KYNU: variants seen among roughly 807,000 people sequenced by gnomAD.
KYNU encodes kynureninase, also known as L-kynurenine hydrolase.
Under a neutral mutation model 59.2 loss-of-function variants are expected in KYNU, and 54 were observed. The observed-to-expected ratio is 0.91, with a 90% confidence interval of 0.73 to 1.14. The LOEUF is 1.14. Among genes scored for constraint, KYNU ranks in the 50% most tolerant of loss-of-function variants. The probability of loss-of-function intolerance (pLI) is 0.00; values close to 1 mark genes in which losing one functional copy is unlikely to be tolerated. For missense variants in KYNU, 567 were observed against 554.4 expected (o/e 1.02, Z -0.23); for synonymous variants, 177 against 192.0 (o/e 0.92, Z 0.65).
intron 10 of KYNU, among the ~76,000 whole-genome samples, chr2:143,025,043 T>C (rs1262695440): frequency 6.6e-6 from 1 of 152,090 alleles, no homozygotes; most frequent in Non-Finnish European, 1.5e-5. Context: ...TTCTTTTATG[T>C]GTTTTGTTTT....
intron 2 of KYNU, among the ~76,000 whole-genome samples, chr2:142,915,064 T>G (rs1682628024): frequency 6.6e-6 from 1 of 152,220 alleles, no homozygotes; most frequent in Non-Finnish European, 1.5e-5. Flanking sequence ...TAATAACTCC[T>G]ATAACAAAAA....
At chr2:142,907,846 C>A (rs1488544421) in intron 2 of KYNU, among the ~76,000 whole-genome samples, 1 of 152,156 alleles carries the variant, frequency 6.6e-6, no homozygotes, top group Non-Finnish European at 1.5e-5. Context: ...CCTTCCCCAG[C>A]TAGGCTTAGG....
intron 8 of KYNU, chr2:142,964,699 A>C (rs931854560): frequency 3.3e-5 from 5 of 152,240 alleles, no homozygotes; most frequent in Non-Finnish European, 7.3e-5. Context: ...ACAAGATTTC[A>C]AGTGGTCATC....
At chr2:142,966,710 A>G (rs1684551281) in intron 8 of KYNU, among the ~76,000 whole-genome samples, 1 of 152,160 alleles carries the variant, frequency 6.6e-6, no homozygotes, top group African/African-American at 2.4e-5. Flanking sequence ...TATTTTGTCC[A>G]TTTAACAAAT....
chr2:142,903,791 G>C (rs1253275128), intron 2 of KYNU, among the ~76,000 whole-genome samples: 1 of 152,188 alleles, frequency 6.6e-6, no homozygotes, highest in Non-Finnish European at 1.5e-5. Context: ...CTTGACATAA[G>C]GGGCATGGAC....
At chr2:143,029,501 G>T (rs892338873) in intron 10 of KYNU, 126 bp from the exon 11 acceptor site, 41 of 692,720 alleles carry the variant, frequency 5.9e-5, no homozygotes, top group Non-Finnish European at 9.8e-5. Context: ...CACAAGAATC[G>T]CTTGAACCCA....
At chr2:142,900,282 CA>C (rs1239705035) in intron 2 of KYNU, among the ~76,000 whole-genome samples, 1 of 152,106 alleles carries the variant, frequency 6.6e-6, no homozygotes, top group Non-Finnish European at 1.5e-5. Context: ...GGTGGGTCTG[CA>C]ACGGTGGCAA....
At chr2:142,905,943 C>G (rs1176642875) in intron 2 of KYNU, among the ~76,000 whole-genome samples, 1 of 152,168 alleles carries the variant, frequency 6.6e-6, no homozygotes, top group Non-Finnish European at 1.5e-5. Context: ...AGGAATAGGG[C>G]ACACTGTTTT....
chr2:143,026,225 T>A (rs1406097980), intron 10 of KYNU, among the ~76,000 whole-genome samples: 1 of 152,228 alleles, frequency 6.6e-6, no homozygotes, highest in Non-Finnish European at 1.5e-5. Flanking sequence ...TTTTTGTATA[T>A]ATATTCTTTT....
chr2:142,898,668 A>C (rs191401318), intron 2 of KYNU, among the ~76,000 whole-genome samples: 40 of 152,324 alleles, frequency 2.6e-4, no homozygotes, highest in African/African-American at 9.6e-4. Context: ...AATCAGTGGG[A>C]ATACTGACGC....
At chr2:143,025,395 G>A (rs1686522236) in intron 10 of KYNU, among the ~76,000 whole-genome samples, 1 of 152,092 alleles carries the variant, frequency 6.6e-6, no homozygotes, top group Non-Finnish European at 1.5e-5. Context: ...TACCTAAGCA[G>A]GAGGCTAGGG....
At position 142,986,075 on chromosome 2, in the gene KYNU, A is replaced by G; in HGVS notation, c.902+54A>G. On this transcript the variant is annotated intron_variant, in intron 10 of 13. Coordinates refer to ENST00000264170, the MANE Select transcript of KYNU (RefSeq NM_003937.3). ...GTGATGAACAAATTAATTTGCATTA[A>G]TAATATGTTAAATTTACATGAGTTC... is the stretch of plus-strand genomic sequence containing the variant. 6.6e-6 allele frequency: 8 copies of G among 1,213,968 alleles called. No homozygotes were observed. The East Asian group carries it at 1.4e-4, about 21-fold the overall frequency. 75.2% of individuals were successfully genotyped at this position (1,213,968 alleles called of 1,614,324 possible). A position where few individuals can be genotyped will look rare whatever the true frequency, so the allele number is the denominator to read the frequency against.
At chr2:142,947,341 G>A in intron 4 of KYNU, 2 of 1,006,170 alleles carry the variant, frequency 2.0e-6, no homozygotes, top group Non-Finnish European at 2.8e-6. Context: ...TATTGCAGAT[G>A]GGATTTCCTC....
chr2:142,888,358 T>C (rs1421639132), intron 2 of KYNU, among the ~76,000 whole-genome samples: 3 of 152,146 alleles, frequency 2.0e-5, no homozygotes, highest in Non-Finnish European at 1.5e-5. Flanking sequence ...CTCTGGAGGC[T>C]GAAGTGGGAG....
chr2:142,985,163 C>A lies in KYNU; in HGVS notation c.809C>A (p.Ala270Asp). Reference protein sequence around the residue: ...LYLHDWGVDFACWCSYKYLNA... With the variant: ...LYLHDWGVDFDCWCSYKYLNA... Reference sequence around the variant, plus strand: ...TTACATGACTGGGGAGTTGATTTTGCCTGCTGGTGTTCCTACAAGGTACAA... The same window carrying A: ...TTACATGACTGGGGAGTTGATTTTGACTGCTGGTGTTCCTACAAGGTACAA... The change falls in exon 9 of 14, where the codon GCC becomes GAC. Residue 270 changes from alanine to aspartate, a missense_variant. Transcript: ENST00000264170. The A allele has an allele frequency of 6.2e-7, 1 of 1,603,942 alleles. No homozygotes were observed. The highest frequency in any genetic ancestry group is 8.5e-7 in the Non-Finnish European group (1 of 1,171,278).
chr2:142,977,523 A>G (rs1684930097), intron 8 of KYNU, among the ~76,000 whole-genome samples: 3 of 152,046 alleles, frequency 2.0e-5, no homozygotes, highest in South Asian at 4.2e-4. Flanking sequence ...CATGATTTCT[A>G]CTAAATTTCA....
At position 143,052,135 on chromosome 2, in the gene KYNU, C is replaced by T. The variant is rs571056183; in HGVS notation, c.*9963C>T. ...AGAGACTGGAGGCATTTTGCCCCTG[C>T]CCTAGAGATTTGTGGGACATTAAAC... is the stretch of plus-strand genomic sequence containing the variant. On this transcript the variant is annotated 3_prime_UTR_variant, in exon 14 of 14. Coordinates refer to ENST00000264170, the MANE Select transcript of KYNU (RefSeq NM_003937.3). 6.6e-6 allele frequency: 1 copy of T among 152,284 alleles called. No individual in the cohort carries two copies. The highest frequency in any genetic ancestry group is 2.1e-4 in the South Asian group (1 of 4,816). The allele number at this position is 152,284 out of a possible 1,614,324, so 9.4% of individuals were successfully genotyped here.
intron 2 of KYNU, among the ~76,000 whole-genome samples, chr2:142,913,108 T>C (rs1185458674): frequency 6.6e-5 from 10 of 152,212 alleles, no homozygotes; most frequent in Admixed American, 6.5e-4. Flanking sequence ...TTAATCTAGA[T>C]AGTAGTCTGC....
chr2:142,925,030 C>T (rs1177083739), intron 3 of KYNU, among the ~76,000 whole-genome samples: 5 of 152,092 alleles, frequency 3.3e-5, no homozygotes, highest in African/African-American at 1.2e-4. Flanking sequence ...ATTATTACCA[C>T]GGTGTCTACC....
Sources: gnomAD v4.1 joint callset for allele counts (sites outside exome capture counted in the v4.1 genomes callset) on GRCh38, gnomAD v4.1.1 for gene constraint, MANE v1.5 for transcripts, NCBI Gene and HGNC (gene_info 2026-07-23, HGNC 2026-07-21) for gene names.